Variants in BLM observed in about 807,000 individuals in gnomAD.
The protein encoded by BLM is recQ-like DNA helicase BLM.
A neutral mutation model predicts 135.3 loss-of-function variants in BLM; 95 were observed. The ratio of observed to expected loss-of-function variants is 0.70; its 90% CI spans 0.59 to 0.83. The LOEUF is 0.83. Among genes scored for constraint, BLM ranks in the 40% least tolerant of loss-of-function variants. BLM has a pLI of 0.00. For missense variants in BLM, 1,518 were observed against 1,663.9 expected (o/e 0.91, Z 1.53); for synonymous variants, 520 against 589.2 (o/e 0.88, Z 1.70).
chr15:90,769,606 G>T lies in BLM; in HGVS notation c.2555+20G>T, dbSNP rs762930185. 1 of 1,611,582 alleles carries T rather than the reference G, an allele frequency of 6.2e-7. No individual in the cohort carries two copies. Among genetic ancestry groups the T allele is most frequent in the Non-Finnish European group, 8.5e-7 (1 of 1,178,680 alleles). ...TCAGGTGTAAGTTGTTGCACGTCAC[G>T]TATTTGAGAACCCTGGGGCAGTGAC... On this transcript the variant is annotated intron_variant, in intron 12 of 21. Transcript: ENST00000355112.
At chr15:90,807,816 A>AT (rs1367088172) in intron 19 of BLM, among the ~76,000 whole-genome samples, 1 of 152,228 alleles carries the variant, frequency 6.6e-6, no homozygotes, top group Non-Finnish European at 1.5e-5. Context: ...AAGACATGTC[A>AT]TGGCAGTTAG....
At chr15:90,765,120 AC>A (rs1413933242) in intron 8 of BLM, among the ~76,000 whole-genome samples, 175 bp from the exon 9 acceptor site, 3 of 152,110 alleles carry the variant, frequency 2.0e-5, no homozygotes, top group African/African-American at 2.4e-5. Context: ...GATCATTTTT[AC>A]ACATTATTTA....
intron 12 of BLM, among the ~76,000 whole-genome samples, chr15:90,780,449 G>A (rs1253827493): frequency 6.6e-6 from 1 of 152,014 alleles, no homozygotes; most frequent in South Asian, 2.1e-4. Flanking sequence ...TGAATTCCTG[G>A]GCTCAAGTGA....
intron 17 of BLM, 129 bp downstream of exon 17, chr15:90,798,466 T>C: frequency 2.2e-6 from 2 of 918,454 alleles, no homozygotes; most frequent in South Asian, 3.2e-5. Context: ...ATAAAACTTT[T>C]AAGTAACAAA....
chr15:90,812,841 T>G (rs1897457188), intron 21 of BLM, among the ~76,000 whole-genome samples: 4 of 152,206 alleles, frequency 2.6e-5, no homozygotes, highest in African/African-American at 9.7e-5. Context: ...AGTACCGAAA[T>G]TAAAGGCATT....
chr15:90,792,669 A>G (rs1171775298), intron 15 of BLM, among the ~76,000 whole-genome samples: 1 of 152,194 alleles, frequency 6.6e-6, no homozygotes, highest in African/African-American at 2.4e-5. Context: ...GTGTTTATTT[A>G]GCCCTTCCTA....
At chr15:90,772,224 G>A (rs1253996432) in intron 12 of BLM, among the ~76,000 whole-genome samples, 1 of 152,156 alleles carries the variant, frequency 6.6e-6, no homozygotes, top group Admixed American at 6.5e-5. Flanking sequence ...GCGAAGTCAG[G>A]TATTCCTAAG....
chr15:90,719,490 A>G (rs1392118278), intron 1 of BLM, among the ~76,000 whole-genome samples: 3 of 152,082 alleles, frequency 2.0e-5, no homozygotes, highest in Non-Finnish European at 4.4e-5. Context: ...GGTTCTAGCT[A>G]CTGGGGAGGC....
chr15:90,786,265 G>A lies in BLM; in HGVS notation c.2823+1184G>A, dbSNP rs555703077. On this transcript the variant is annotated intron_variant, in intron 14 of 21. Coordinates refer to ENST00000355112, the MANE Select transcript of BLM (RefSeq NM_000057.4). Reference sequence around the variant, plus strand: ...AACCTACCAAATTCCTGCGATTATAGGTGTGAGCCACCATCCCCGATGTGT... The same window carrying A: ...AACCTACCAAATTCCTGCGATTATAAGTGTGAGCCACCATCCCCGATGTGT... 1.3e-3 allele frequency among the ~76,000 whole-genome samples: 192 copies of A among 152,220 alleles called. 1 individual carries two copies. Among genetic ancestry groups the A allele is most frequent in the African/African-American group, 4.5e-3 (187 of 41,540 alleles).
chr15:90,772,661 A>G (rs1896353298), intron 12 of BLM, among the ~76,000 whole-genome samples: 1 of 152,254 alleles, frequency 6.6e-6, no homozygotes, highest in South Asian at 2.1e-4. Flanking sequence ...TGCAGAAAGA[A>G]GAAAGCAGTG....
chr15:90,778,434 A>G (rs1480131072), intron 12 of BLM, among the ~76,000 whole-genome samples: 3 of 152,202 alleles, frequency 2.0e-5, no homozygotes, highest in Non-Finnish European at 2.9e-5. Context: ...AGTTTTTAGT[A>G]TATTCAGAAT....
At chr15:90,771,524 A>T (rs1374446997) in intron 12 of BLM, among the ~76,000 whole-genome samples, 3 of 151,778 alleles carry the variant, frequency 2.0e-5, no homozygotes, top group African/African-American at 7.3e-5. Flanking sequence ...AAGATGTCAT[A>T]TTATACTTTA....
At chr15:90,741,816 A>G (rs113146843) in intron 1 of BLM, among the ~76,000 whole-genome samples, 3 of 152,204 alleles carry the variant, frequency 2.0e-5, no homozygotes, top group Admixed American at 6.5e-5. Context: ...AGCATCCAAT[A>G]TGGGAGTGAA....
chr15:90,790,259 C>T lies in BLM; in HGVS notation c.2824-390C>T, dbSNP rs890225769. On this transcript the variant is annotated intron_variant, in intron 14 of 21. Transcript: ENST00000355112. ...AACACCCTGGAGCTCCTGAGCAACA[C>T]GTTGCTTGTGATCACTGACCTGGAT... 2.3e-5 allele frequency: 7 copies of T among 304,452 alleles called. No homozygotes were observed. The Admixed American group carries it at 2.4e-4, about 10-fold the overall frequency. 18.9% of individuals were successfully genotyped at this position (304,452 alleles called of 1,614,324 possible). A position where few individuals can be genotyped will look rare whatever the true frequency, so the allele number is the denominator to read the frequency against.
chr15:90,734,091 A>G (rs982991477), intron 1 of BLM, among the ~76,000 whole-genome samples: 5 of 152,156 alleles, frequency 3.3e-5, no homozygotes, highest in Non-Finnish European at 5.9e-5. Flanking sequence ...TCTATTACAA[A>G]ACTATTAGCT....
At chr15:90,761,975 C>T (rs55827145) in intron 7 of BLM, among the ~76,000 whole-genome samples, 35 of 152,290 alleles carry the variant, frequency 2.3e-4, no homozygotes, top group African/African-American at 8.2e-4. Context: ...TATTTTTTAG[C>T]TGAAATAAGT....
intron 14 of BLM, among the ~76,000 whole-genome samples, chr15:90,787,703 C>G (rs1057473172): frequency 4.6e-5 from 7 of 152,132 alleles, no homozygotes; most frequent in African/African-American, 1.7e-4. Context: ...AATCCCACCA[C>G]TTTGAGAGGC....
Position 90,790,654 on chromosome 15 carries a change from C to G in BLM, c.2829C>G (p.Ile943Met), listed in dbSNP as rs1596257034. The G allele has an allele frequency of 6.2e-7, 1 of 1,614,012 alleles. No homozygotes were observed. Among genetic ancestry groups the G allele is most frequent in the Non-Finnish European group, 8.5e-7 (1 of 1,179,898 alleles). ...AGCTTTTGCTTTTATATCAGGTTAT[C>G]TGTGCTACAATTGCATTTGGAATGG... ...KWINQDGCQV[I>M]CATIAFGMGI... The change falls in exon 15 of 22, where the codon ATC (isoleucine) becomes ATG (methionine). Residue 943 changes from isoleucine to methionine, a missense_variant. Transcript: ENST00000355112.
rs138801695 is a variant in BLM at position 90,772,412 on chromosome 15, TA to T, written c.2555+2828del. 8.3e-3 allele frequency among the ~76,000 whole-genome samples: 1,264 copies of T among 152,262 alleles called. 16 individuals are homozygous for T. Among genetic ancestry groups the T allele is most frequent in the African/African-American group, 0.028 (1,145 of 41,554 alleles). On this transcript the variant is annotated intron_variant, in intron 12 of 21. Transcript: ENST00000355112. The stretch of plus-strand genomic sequence containing the variant: ...AGAGTTAACTATAATAGAACAATAA[TA>T]ATAGCTAACACTTACATATCCAGCC...
Sources: allele counts gnomAD v4.1 joint callset (sites outside exome capture counted in the v4.1 genomes callset), GRCh38; gene constraint gnomAD v4.1.1; transcripts MANE v1.5; gene names NCBI Gene and HGNC (gene_info 2026-07-23, HGNC 2026-07-21).